PRLR: variants seen among roughly 807,000 people sequenced by gnomAD.
PRLR encodes the protein hPRL receptor.
A neutral mutation model predicts 40.2 loss-of-function variants in PRLR; 13 were observed. The ratio of observed to expected loss-of-function variants is 0.32; its 90% CI spans 0.21 to 0.51. PRLR has a LOEUF of 0.51. Ranked by LOEUF, PRLR falls within the 20% of genes least tolerant of loss-of-function variation. The pLI is 0.97. For missense variants in PRLR, 656 were observed against 747.3 expected, an observed-to-expected ratio of 0.88 and a Z score of 1.42; for synonymous variants, 269 against 278.7, an observed-to-expected ratio of 0.97 and a Z score of 0.35.
intron 2 of PRLR, among the ~76,000 whole-genome samples, chr5:35,092,581 C>A (rs1453367539): frequency 1.3e-5 from 2 of 152,182 alleles, no homozygotes; most frequent in East Asian, 1.9e-4. Flanking sequence ...GTCCACCCTG[C>A]ATTGCACTCA....
chr5:35,086,173 T>A (rs780086206), intron 4 of PRLR, 35 bp downstream of exon 4: 1 of 1,611,920 alleles, frequency 6.2e-7, no homozygotes, highest in Non-Finnish European at 8.5e-7. Flanking sequence ...GGAGTACTCA[T>A]GTGGGGTTTC....
At position 35,066,044 on chromosome 5, in the gene PRLR, G is replaced by T. The variant is rs772138712; in HGVS notation, c.914C>A (p.Ser305Tyr). 3 of 1,614,024 alleles carry T rather than the reference G, an allele frequency of 1.9e-6. No homozygotes were observed. The highest frequency in any genetic ancestry group is 1.7e-5 in the Admixed American group (1 of 60,014). Reference protein sequence around the residue: ...ALGCQDFPPTSDYEDLLVEYL... With the variant: ...ALGCQDFPPTYDYEDLLVEYL... ...CTCCACCAGCAAGTCCTCATAGTCA[G>T]AAGTGGGAGGAAAGTCTTGGCATCC... Residue 305 changes from serine to tyrosine, a missense_variant, in exon 10 of 10, where the codon TCT becomes TAT. By Grantham distance (144) the Ser-to-Tyr change is moderately radical. Around this residue, in one of 3 missense-constraint regions of PRLR, gnomAD observed 469 missense variants for 491.5 expected, o/e 0.95. Transcript: ENST00000618457.
intron 1 of PRLR, among the ~76,000 whole-genome samples, chr5:35,226,292 G>C (rs1329545017): frequency 1.3e-5 from 2 of 152,202 alleles, no homozygotes; most frequent in Non-Finnish European, 2.9e-5. Flanking sequence ...TGTGGGCTTT[G>C]GAGTGAAATA....
intron 1 of PRLR, among the ~76,000 whole-genome samples, chr5:35,212,009 A>C (rs775059325): frequency 2.6e-5 from 4 of 152,208 alleles, no homozygotes; most frequent in Non-Finnish European, 5.9e-5. Context: ...GACAGAGGCT[A>C]TATGGCCCAA....
intron 1 of PRLR, among the ~76,000 whole-genome samples, chr5:35,170,066 TA>T (rs1482596799): frequency 1.3e-5 from 2 of 152,212 alleles, no homozygotes; most frequent in Non-Finnish European, 2.9e-5. Context: ...TGGAGGTTTA[TA>T]AAAATGCAAA....
intron 1 of PRLR, among the ~76,000 whole-genome samples, chr5:35,147,967 A>G (rs1579731734): frequency 6.6e-6 from 1 of 152,206 alleles, no homozygotes; most frequent in East Asian, 1.9e-4. Flanking sequence ...TTGAAATCTC[A>G]GGAGGACAAT....
intron 2 of PRLR, among the ~76,000 whole-genome samples, chr5:35,106,939 C>T (rs1489184609): frequency 6.6e-6 from 1 of 152,228 alleles, no homozygotes. Flanking sequence ...CTCAGCACCA[C>T]ATCGCACTTA....
chr5:35,072,876 A>C, intron 5 of PRLR, 132 bp from the exon 6 acceptor site: 1 of 1,031,714 alleles, frequency 9.7e-7, no homozygotes, highest in Non-Finnish European at 1.4e-6. Context: ...CCCCCCAAAT[A>C]CCCGGGCCTT....
At chr5:35,136,751 T>C (rs538517122) in intron 1 of PRLR, among the ~76,000 whole-genome samples, 1 of 152,252 alleles carries the variant, frequency 6.6e-6, no homozygotes, top group Admixed American at 6.5e-5. Flanking sequence ...GAATCTCTAC[T>C]TTTTACAGTG....
chr5:35,099,137 C>T (rs777823163), intron 2 of PRLR, among the ~76,000 whole-genome samples: 1 of 152,196 alleles, frequency 6.6e-6, no homozygotes, highest in Non-Finnish European at 1.5e-5. Flanking sequence ...TTTCTGGCCA[C>T]ACAGTTAAAG....
At chr5:35,124,565 T>C (rs1773395325) in intron 1 of PRLR, among the ~76,000 whole-genome samples, 1 of 152,216 alleles carries the variant, frequency 6.6e-6, no homozygotes, top group South Asian at 2.1e-4. Context: ...TGGGGAATAT[T>C]GAAGTCCCTT....
At chr5:35,222,690 C>A (rs987938937) in intron 1 of PRLR, among the ~76,000 whole-genome samples, 1 of 152,154 alleles carries the variant, frequency 6.6e-6, no homozygotes, top group African/African-American at 2.4e-5. Context: ...AACATTCTAA[C>A]ACCAACAGGA....
At chr5:35,216,508 CA>C (rs2111658884) in intron 1 of PRLR, among the ~76,000 whole-genome samples, 1 of 152,254 alleles carries the variant, frequency 6.6e-6, no homozygotes, top group South Asian at 2.1e-4. Flanking sequence ...GTGAAATAAG[CA>C]GGTAAACTTA....
Position 35,084,501 on chromosome 5 carries a change from C to T in PRLR, c.342G>A (p.Ser114=), listed in dbSNP as rs549831296. The change falls in exon 5 of 10, where the codon TCG becomes TCA. Residue 114 remains serine (S), a synonymous_variant. Transcript: ENST00000618457. ...NATNQMGSSF[S]DELYVDVTYI... ...AAGTCACGTCCACATAAAGTTCATC[C>T]GAGAAACTGCTTCCCATCTGGTTAG... 32 of 1,577,422 alleles carry T rather than the reference C, an allele frequency of 2.0e-5. No individual in the cohort carries two copies. Among genetic ancestry groups the T allele is most frequent in the East Asian group, 1.4e-4 (6 of 42,736 alleles).
intron 1 of PRLR, among the ~76,000 whole-genome samples, chr5:35,229,427 T>C (rs1045651262): frequency 7.2e-5 from 11 of 152,130 alleles, no homozygotes; most frequent in Non-Finnish European, 1.0e-4. Context: ...TTCCCCAGGA[T>C]ACAGGTAGAG....
At chr5:35,085,390 C>T (rs1770784910) in intron 4 of PRLR, among the ~76,000 whole-genome samples, 3 of 152,222 alleles carry the variant, frequency 2.0e-5, no homozygotes, top group Admixed American at 2.0e-4. Flanking sequence ...TCTCTACCAG[C>T]AACTAAATAT....
At chr5:35,191,519 C>T (rs1775607367) in intron 1 of PRLR, among the ~76,000 whole-genome samples, 1 of 152,176 alleles carries the variant, frequency 6.6e-6, no homozygotes, top group Non-Finnish European at 1.5e-5. Context: ...AAGTGTTCTC[C>T]ATGTCATCTG....
At chr5:35,097,776 A>G (rs1420745053) in intron 2 of PRLR, among the ~76,000 whole-genome samples, 1 of 152,148 alleles carries the variant, frequency 6.6e-6, no homozygotes, top group East Asian at 1.9e-4. Context: ...CTGGGGCATC[A>G]TGCCTGGGCA....
chr5:35,163,319 C>T (rs1774730500), intron 1 of PRLR, among the ~76,000 whole-genome samples: 1 of 152,206 alleles, frequency 6.6e-6, no homozygotes, highest in Non-Finnish European at 1.5e-5. Flanking sequence ...GGAAGTCCTA[C>T]CACACTTTGC....
Sources: gnomAD v4.1 joint callset for allele counts (sites outside exome capture counted in the v4.1 genomes callset) on GRCh38, gnomAD v4.1.1 for gene constraint, gnomAD v4.1.1 regional missense constraint, MANE v1.5 for transcripts, NCBI Gene and HGNC (gene_info 2026-07-23, HGNC 2026-07-21) for gene names.